Variants in RNASET2 observed in about 807,000 individuals in gnomAD.
RNASET2 encodes the protein ribonuclease T2.
Under a neutral mutation model 33.9 loss-of-function variants are expected in RNASET2, and 28 were observed. The observed-to-expected ratio is 0.83, with a 90% confidence interval of 0.61 to 1.13. The LOEUF (loss-of-function observed/expected upper bound fraction) is 1.13. Ranked by LOEUF, RNASET2 falls within the 50% of genes most tolerant of loss-of-function variation. The pLI is 0.00. For synonymous variants in RNASET2, 123 were observed against 121.0 expected, an observed-to-expected ratio of 1.02 and a Z score of -0.11; for missense variants, 330 against 319.9, an observed-to-expected ratio of 1.03 and a Z score of -0.24.
intron 5 of RNASET2, among the ~76,000 whole-genome samples, chr6:166,942,321 G>A (rs147846943): frequency 0.034 from 5,139 of 152,076 alleles, 137 homozygotes; most frequent in Non-Finnish European, 0.048. Flanking sequence ...CCAAAGTGCT[G>A]GGATTACAGG....
At chr6:166,944,373 C>G (rs1408579811) in intron 4 of RNASET2, among the ~76,000 whole-genome samples, 1 of 152,016 alleles carries the variant, frequency 6.6e-6, no homozygotes. Context: ...TTCCAGCACC[C>G]TATATGAGGG....
intron 5 of RNASET2, among the ~76,000 whole-genome samples, chr6:166,942,367 G>A (rs969307278): frequency 1.3e-5 from 2 of 152,008 alleles, no homozygotes; most frequent in African/African-American, 2.4e-5. Context: ...TTTTCTTAAT[G>A]TATTTGAAGA....
chr6:166,938,920 G>T lies in RNASET2; in HGVS notation c.421C>A (p.Leu141Ile). 1 of 1,613,680 alleles carries T rather than the reference G, an allele frequency of 6.2e-7. No individual in the cohort carries two copies. Among genetic ancestry groups the T allele is most frequent in the Admixed American group, 1.7e-5 (1 of 60,024 alleles). The stretch of plus-strand genomic sequence containing the variant: ...CTGTTGAGGTCCAGCTCCCTGTAGA[G>T]TTCCAGGCTTCTGCCAAAGTACTTC... ...QKKYFGRSLELYRELDLNSVL... is the reference protein window; with the variant it reads ...QKKYFGRSLEIYRELDLNSVL... The change falls in exon 6 of 9, where the codon CTC becomes ATC. Residue 141 changes from leucine (L) to isoleucine (I), a missense_variant. Physicochemically the swap from Leu to Ile is conservative, Grantham distance 5 (BLOSUM62 2). Transcript: ENST00000508775.
intron 5 of RNASET2, among the ~76,000 whole-genome samples, chr6:166,940,088 G>A (rs962369697): frequency 6.6e-6 from 1 of 152,122 alleles, no homozygotes; most frequent in Non-Finnish European, 1.5e-5. Flanking sequence ...CACTGCACTG[G>A]GCTGTCATCC....
At chr6:166,954,002 C>T (rs954675389) in intron 1 of RNASET2, among the ~76,000 whole-genome samples, 3 of 151,994 alleles carry the variant, frequency 2.0e-5, no homozygotes, top group African/African-American at 7.3e-5. Flanking sequence ...TTAGCAACAC[C>T]CAGGAAGATG....
intron 6 of RNASET2, chr6:166,938,578 G>A: frequency 1.6e-6 from 1 of 617,262 alleles, no homozygotes; most frequent in South Asian, 1.4e-5. Context: ...TCCTTTATCA[G>A]GAATCATGGC....
Position 166,948,627 on chromosome 6 carries a change from T to C in RNASET2, c.148-2A>G. The C allele has an allele frequency of 6.5e-7, 1 of 1,543,168 alleles. No individual in the cohort carries two copies. The highest frequency in any genetic ancestry group is 9.0e-7 in the Non-Finnish European group (1 of 1,116,780). ...GTCTCTACAGTCGTTTTGAATTTTC[T>C]AGGGAGAAAATATAACAAGAAAATG... On this transcript the variant is annotated splice_acceptor_variant, in intron 2 of 8. Coordinates refer to ENST00000508775, the MANE Select transcript of RNASET2 (RefSeq NM_003730.6). LOFTEE classifies it high-confidence loss of function.
chr6:166,955,402 C>T (rs1395807591), intron 1 of RNASET2: 1 of 648,068 alleles, frequency 1.5e-6, no homozygotes, highest in Non-Finnish European at 1.9e-6. Flanking sequence ...CACGCGCACA[C>T]ACACACGCGC....
chr6:166,941,990 C>T (rs941817336), intron 5 of RNASET2, among the ~76,000 whole-genome samples: 4 of 151,802 alleles, frequency 2.6e-5, no homozygotes, highest in Non-Finnish European at 5.9e-5. Flanking sequence ...CTCAGCCTCA[C>T]ATGCTAAGTC....
At position 166,925,147 on chromosome 6, in the gene RNASET2, C is replaced by CT. The variant is rs1562490079; in HGVS notation, c.*4440_*4441insA. 1.1e-4 allele frequency among the ~76,000 whole-genome samples: 14 copies of CT among 125,350 alleles called. No homozygotes were observed. The highest frequency in any genetic ancestry group is 4.5e-4 in the African/African-American group (14 of 31,034). The allele number at this position is 125,350 out of a possible 152,430, so 82.2% of individuals were successfully genotyped here. A position where few individuals can be genotyped will look rare whatever the true frequency, so the allele number is the denominator to read the frequency against. ...ACCTCTGCTGCCCAGGCCTCATCTACGCCATCCAGCCCTCACTCCTGCCGC... is the reference window on the plus strand; with the variant it reads ...ACCTCTGCTGCCCAGGCCTCATCTACTGCCATCCAGCCCTCACTCCTGCCGC... On this transcript the variant is annotated 3_prime_UTR_variant, in exon 9 of 9. Transcript: ENST00000508775.
At position 166,925,122 on chromosome 6, in the gene RNASET2, AC is replaced by A. The variant is rs1778284475; in HGVS notation, c.*4465del. Among the ~76,000 whole-genome samples, 4 of 148,494 alleles carry A rather than the reference AC, an allele frequency of 2.7e-5. No individual in the cohort carries two copies. Among genetic ancestry groups the A allele is most frequent in the African/African-American group, 1.0e-4 (4 of 39,424 alleles). On this transcript the variant is annotated 3_prime_UTR_variant, in exon 9 of 9. Transcript: ENST00000508775. ...CCAAAACCGGAACAGCACAGCCCTC[AC>A]CTCTGCTGCCCAGGCCTCATCTACG... is the stretch of plus-strand genomic sequence containing the variant.
chr6:166,934,020 A>G (rs1778507423), intron 7 of RNASET2, 71 bp downstream of exon 7: 5 of 1,099,670 alleles, frequency 4.5e-6, no homozygotes. Context: ...CCATTGACTC[A>G]GAGGCTGAAA....
chr6:166,930,547 T>C (rs1181625476), intron 8 of RNASET2, among the ~76,000 whole-genome samples: 1 of 145,948 alleles, frequency 6.9e-6, no homozygotes, highest in Non-Finnish European at 1.5e-5. Context: ...CATGCCCACA[T>C]GCATGTTCAC....
At chr6:166,938,662 G>T in intron 6 of RNASET2, 1 of 749,016 alleles carries the variant, frequency 1.3e-6, no homozygotes, top group Non-Finnish European at 2.5e-6. Context: ...GTGCCCAGAT[G>T]GGCATCCCAA....
Position 166,929,737 on chromosome 6 carries a change from G to A in RNASET2, c.622C>T (p.Gln208Ter). 1 of 1,614,070 alleles carries A rather than the reference G, an allele frequency of 6.2e-7. No homozygotes were observed. The highest frequency in any genetic ancestry group is 8.5e-7 in the Non-Finnish European group (1 of 1,180,012). Residue 208 changes from glutamine (Q) to a stop codon, truncating the protein, a stop_gained, in exon 9 of 9, where the codon CAG (glutamine) becomes TAG (stop). Coordinates refer to ENST00000508775, the MANE Select transcript of RNASET2 (RefSeq NM_003730.6). LOFTEE classifies it low-confidence loss of function (END_TRUNC). The part of the protein sequence containing the change: ...QIELCLTKQD[Q>*]QLQNCTEPGE... ...GGCTCGGTGCAGTTTTGCAGCTGCT[G>A]GTCTTGCTTAGTGAGGCACAGTTCT...
intron 1 of RNASET2, chr6:166,953,206 G>A (rs536062111): frequency 6.5e-6 from 1 of 154,290 alleles, no homozygotes; most frequent in East Asian, 1.9e-4. Flanking sequence ...GTGTTACCCA[G>A]AACCTGGGGC....
intron 1 of RNASET2, chr6:166,955,411 G>C: frequency 1.9e-6 from 1 of 517,666 alleles, no homozygotes; most frequent in Non-Finnish European, 2.4e-6. Context: ...ACACACACGC[G>C]CACACACACA....
At position 166,927,850 on chromosome 6, in the gene RNASET2, AAT is replaced by A. The variant is rs1778331747; in HGVS notation, c.*1736_*1737del. On this transcript the variant is annotated 3_prime_UTR_variant, in exon 9 of 9. Coordinates refer to ENST00000508775, the MANE Select transcript of RNASET2 (RefSeq NM_003730.6). The stretch of plus-strand genomic sequence containing the variant: ...ATCACGCCCTTCCAGGTGCAAAACA[AAT>A]CAGATCTTGTCCCTCTCACAGGCAT... Among the ~76,000 whole-genome samples the A allele has an allele frequency of 1.3e-5, 2 of 152,118 alleles. No homozygotes were observed. The highest frequency in any genetic ancestry group is 2.9e-5 in the Non-Finnish European group (2 of 68,028).
At chr6:166,942,553 C>T (rs1350776215) in intron 5 of RNASET2, among the ~76,000 whole-genome samples, 1 of 152,164 alleles carries the variant, frequency 6.6e-6, no homozygotes, top group Non-Finnish European at 1.5e-5. Context: ...CTGATCACAG[C>T]TCATTGCAAC....
Sources: gnomAD v4.1 joint callset for allele counts (sites outside exome capture counted in the v4.1 genomes callset) on GRCh38, gnomAD v4.1.1 for gene constraint, MANE v1.5 for transcripts, NCBI Gene and HGNC (gene_info 2026-07-23, HGNC 2026-07-21) for gene names.